ARK2C: variants seen among roughly 807,000 people sequenced by gnomAD.
ARK2C encodes the protein E3 ubiquitin-protein ligase ARK2C.
the ARK2C span, among the ~76,000 whole-genome samples, chr18:46,432,513 G>A: frequency 6.6e-6 from 1 of 152,154 alleles, no homozygotes; most frequent in Non-Finnish European, 1.5e-5. Flanking sequence ...GGCTAGGCTG[G>A]ACTAACTTTT....
At chr18:46,359,011 A>T in the ARK2C span, among the ~76,000 whole-genome samples, 2 of 152,200 alleles carry the variant, frequency 1.3e-5, no homozygotes, top group Non-Finnish European at 2.9e-5. Context: ...TCGAGTCCTG[A>T]CACTGAGCAG....
the ARK2C span, among the ~76,000 whole-genome samples, chr18:46,449,604 T>G: frequency 1.6e-4 from 24 of 152,252 alleles, no homozygotes; most frequent in East Asian, 4.6e-3. Context: ...AATTGAATCA[T>G]GTGGGGGCAG....
the ARK2C span, among the ~76,000 whole-genome samples, chr18:46,430,855 AT>A: frequency 6.6e-6 from 1 of 151,884 alleles, no homozygotes; most frequent in African/African-American, 2.4e-5. Flanking sequence ...TTTGAAGTTA[AT>A]TTTTTTCTAG....
chr18:46,450,319 C>T, the ARK2C span: 2 of 1,614,002 alleles, frequency 1.2e-6, no homozygotes, highest in Non-Finnish European at 1.7e-6. Flanking sequence ...TCCGAAACTA[C>T]CCTTACCCTC....
the ARK2C span, among the ~76,000 whole-genome samples, chr18:46,349,427 G>A: frequency 6.6e-5 from 10 of 152,132 alleles, no homozygotes; most frequent in African/African-American, 9.7e-5. Context: ...TCTTGGAATC[G>A]AATCACTTCT....
At chr18:46,362,940 A>T in the ARK2C span, among the ~76,000 whole-genome samples, 1 of 152,222 alleles carries the variant, frequency 6.6e-6, no homozygotes, top group South Asian at 2.1e-4. Context: ...AGAATCAGAC[A>T]GACCCCGGGG....
chr18:46,336,036 C>T, the ARK2C span: 1 of 985,344 alleles, frequency 1.0e-6, no homozygotes, highest in Non-Finnish European at 1.2e-6. Flanking sequence ...CTCAGGCCAG[C>T]CTAGCCATGG....
chr18:46,363,902 C>A, the ARK2C span, among the ~76,000 whole-genome samples: 6 of 151,498 alleles, frequency 4.0e-5, no homozygotes, highest in Non-Finnish European at 8.8e-5. Flanking sequence ...TGCTTCCTGA[C>A]CTTGCTTTTC....
the ARK2C span, among the ~76,000 whole-genome samples, chr18:46,373,999 C>T: frequency 6.6e-6 from 1 of 152,142 alleles, no homozygotes; most frequent in Non-Finnish European, 1.5e-5. Context: ...ACCCAGGCCC[C>T]TCATGTTTCT....
At chr18:46,390,948 C>A in the ARK2C span, among the ~76,000 whole-genome samples, 24 of 152,168 alleles carry the variant, frequency 1.6e-4, no homozygotes, top group African/African-American at 5.8e-4. Flanking sequence ...TTGACCTGCA[C>A]CTCTACCATC....
At chr18:46,370,586 C>T in the ARK2C span, among the ~76,000 whole-genome samples, 3 of 152,160 alleles carry the variant, frequency 2.0e-5, no homozygotes, top group Non-Finnish European at 4.4e-5. Flanking sequence ...TGGCAGTCAT[C>T]GCTATTTGCC....
the ARK2C span, among the ~76,000 whole-genome samples, chr18:46,413,416 T>A: frequency 7.9e-4 from 120 of 152,160 alleles, no homozygotes; most frequent in African/African-American, 2.8e-3. Flanking sequence ...TATAGTCAGT[T>A]CTGAGTGGGA....
chr18:46,448,259 C>CCTTGTGCCCTGGCCTT, the ARK2C span, among the ~76,000 whole-genome samples: 2 of 151,450 alleles, frequency 1.3e-5, no homozygotes, highest in Non-Finnish European at 2.9e-5. Flanking sequence ...GCCCTGACTC[C>CCTTGTGCCCTGGCCTT]CTTGTGCCCT....
At chr18:46,402,443 C>T in the ARK2C span, among the ~76,000 whole-genome samples, 3 of 152,154 alleles carry the variant, frequency 2.0e-5, no homozygotes, top group South Asian at 6.2e-4. Context: ...CTCAATATTG[C>T]ATGGAACATG....
At chr18:46,429,184 T>A in the ARK2C span, among the ~76,000 whole-genome samples, 2 of 152,264 alleles carry the variant, frequency 1.3e-5, no homozygotes, top group Non-Finnish European at 1.5e-5. Flanking sequence ...TTCTAGATAA[T>A]TCTTTTCTGG....
chr18:46,368,489 G>A, the ARK2C span, among the ~76,000 whole-genome samples: 258 of 152,352 alleles, frequency 1.7e-3, 1 homozygote, highest in African/African-American at 5.3e-3. Flanking sequence ...GTGGGTCTGC[G>A]TGTGCCCAGG....
chr18:46,428,337 A>G, the ARK2C span, among the ~76,000 whole-genome samples: 2 of 152,182 alleles, frequency 1.3e-5, no homozygotes, highest in African/African-American at 4.8e-5. Flanking sequence ...TGAACCTGGG[A>G]GGTGGAGATT....
the ARK2C span, chr18:46,458,508 T>C: frequency 1.3e-5 from 2 of 152,646 alleles, no homozygotes; most frequent in African/African-American, 4.8e-5. Context: ...GTCACATATT[T>C]GAAGAAATTC....
the ARK2C span, among the ~76,000 whole-genome samples, chr18:46,365,210 G>T: frequency 6.6e-6 from 1 of 152,168 alleles, no homozygotes; most frequent in Non-Finnish European, 1.5e-5. Flanking sequence ...GGTATGGATG[G>T]CAGGGAGTGG....
Sources: allele counts gnomAD v4.1 joint callset (sites outside exome capture counted in the v4.1 genomes callset), GRCh38; gene constraint gnomAD v4.1.1; transcripts MANE v1.5; gene names NCBI Gene and HGNC (gene_info 2026-07-23, HGNC 2026-07-21).